C3orf49: variants seen among roughly 807,000 people sequenced by gnomAD.
C3orf49 encodes the protein putative uncharacterized protein C3orf49.
Under a neutral mutation model 13.3 loss-of-function variants are expected in C3orf49, and 27 were observed. That is an observed-to-expected ratio of 2.02 (90% confidence interval 1.49 to 2.79). The LOEUF is 2.79. Among genes scored for constraint, C3orf49 ranks in the 30% most tolerant of loss-of-function variants. The pLI is 0.00. For synonymous variants in C3orf49, 87 were observed against 47.6 expected (o/e 1.83, Z -3.40); for missense variants, 242 against 134.2 (o/e 1.80, Z -3.97).
At chr3:63,785,517 T>G in the C3orf49 span, among the ~76,000 whole-genome samples, 1 of 152,192 alleles carries the variant, frequency 6.6e-6, no homozygotes, top group African/African-American at 2.4e-5. Context: ...ATGAAGCACA[T>G]TGATGCAGAA....
the C3orf49 span, chr3:63,782,565 G>C: frequency 6.6e-6 from 1 of 152,184 alleles, no homozygotes; most frequent in African/African-American, 2.4e-5. Flanking sequence ...AAGAAAGACA[G>C]TTGAGATTGT....
Position 63,841,891 on chromosome 3 carries a change from C to T in C3orf49, c.850-3132C>T, listed in dbSNP as rs1307688200. Reference sequence around the variant, plus strand: ...CTGATGGTATTCAACAGTTCCTTTGCTAGTCTTATCTGTGTTCTTCTCAAG... The same window carrying T: ...CTGATGGTATTCAACAGTTCCTTTGTTAGTCTTATCTGTGTTCTTCTCAAG... On this transcript the variant is annotated intron_variant, in intron 5 of 6. Coordinates refer to ENST00000295896, the MANE Select transcript of C3orf49 (RefSeq NM_001355236.2). Among the ~76,000 whole-genome samples, 3 of 152,108 alleles carry T rather than the reference C, an allele frequency of 2.0e-5. 1 individual carries two copies. The highest frequency in any genetic ancestry group is 4.4e-5 in the Non-Finnish European group (3 of 68,038).
upstream of C3orf49, among the ~76,000 whole-genome samples, chr3:63,816,762 T>C (rs1701328456): frequency 3.4e-5 from 3 of 89,194 alleles, no homozygotes; most frequent in South Asian, 1.4e-3. Flanking sequence ...ACATTTTCTT[T>C]TCTTTTCTTT....
chr3:63,783,870 C>G, the C3orf49 span, among the ~76,000 whole-genome samples: 2 of 151,964 alleles, frequency 1.3e-5, no homozygotes, highest in African/African-American at 2.4e-5. Flanking sequence ...GGGTTGATGA[C>G]AGCAAGGAAG....
the C3orf49 span, among the ~76,000 whole-genome samples, chr3:63,788,561 G>A: frequency 1.3e-5 from 2 of 152,078 alleles, no homozygotes; most frequent in African/African-American, 4.8e-5. Flanking sequence ...CAAGGCAAGA[G>A]AAGAATGGTC....
chr3:63,839,908 C>T, intron 5 of C3orf49: 1 of 665,624 alleles, frequency 1.5e-6, no homozygotes, highest in Non-Finnish European at 2.5e-6. Flanking sequence ...CTGAACTGTA[C>T]ACTTAAAAAT....
the C3orf49 span, among the ~76,000 whole-genome samples, chr3:63,808,050 C>T: frequency 4.6e-5 from 7 of 152,088 alleles, no homozygotes; most frequent in East Asian, 1.9e-4. Flanking sequence ...ACGAACTTTC[C>T]GATCAAGCAG....
At chr3:63,784,744 G>A in the C3orf49 span, 2 of 152,170 alleles carry the variant, frequency 1.3e-5, no homozygotes, top group African/African-American at 4.8e-5. Context: ...TAATCTCCCA[G>A]CTACTCAGGA....
chr3:63,797,009 C>T, the C3orf49 span, among the ~76,000 whole-genome samples: 1 of 151,694 alleles, frequency 6.6e-6, no homozygotes, highest in African/African-American at 2.4e-5. Context: ...TATATTTGAC[C>T]TCAATTTAAA....
the C3orf49 span, among the ~76,000 whole-genome samples, chr3:63,780,432 G>A: frequency 1.3e-5 from 2 of 152,090 alleles, no homozygotes; most frequent in African/African-American, 4.8e-5. Flanking sequence ...ATTGTGAATG[G>A]TGCCGCAATA....
At chr3:63,803,888 C>T in the C3orf49 span, among the ~76,000 whole-genome samples, 3 of 151,718 alleles carry the variant, frequency 2.0e-5, no homozygotes, top group African/African-American at 7.3e-5. Flanking sequence ...TACAACTCAC[C>T]ATAATGTAGA....
At chr3:63,792,977 C>T in the C3orf49 span, among the ~76,000 whole-genome samples, 1 of 152,174 alleles carries the variant, frequency 6.6e-6, no homozygotes, top group African/African-American at 2.4e-5. Flanking sequence ...TAACCATTGA[C>T]AAATCTTCAT....
At chr3:63,829,634 TG>T (rs758491120) in intron 3 of C3orf49, among the ~76,000 whole-genome samples, 5 of 152,282 alleles carry the variant, frequency 3.3e-5, no homozygotes, top group Non-Finnish European at 7.3e-5. Context: ...GCTATAAAAA[TG>T]TTTTGTTTAG....
At chr3:63,801,999 A>G in the C3orf49 span, among the ~76,000 whole-genome samples, 1 of 152,246 alleles carries the variant, frequency 6.6e-6, no homozygotes, top group Non-Finnish European at 1.5e-5. Context: ...GGGAGAAAAC[A>G]GGAAGATGGT....
intron 3 of C3orf49, 90 bp from the exon 4 acceptor site, chr3:63,831,020 T>C (rs1701525323): frequency 4.7e-6 from 3 of 633,996 alleles, no homozygotes; most frequent in Non-Finnish European, 5.6e-6. Flanking sequence ...TATAAGATAA[T>C]GTCCTAAGGG....
At chr3:63,827,444 G>A in intron 2 of C3orf49, 157 bp from the exon 3 acceptor site, 1 of 554,758 alleles carries the variant, frequency 1.8e-6, no homozygotes. Flanking sequence ...GTGTAAGATT[G>A]GGAAGAGCAA....
the C3orf49 span, chr3:63,782,910 C>CT: frequency 6.6e-6 from 1 of 152,152 alleles, no homozygotes; most frequent in Non-Finnish European, 1.5e-5. Flanking sequence ...GTTAAGAACA[C>CT]TTCAAAACAA....
chr3:63,788,733 A>G, the C3orf49 span, among the ~76,000 whole-genome samples: 1 of 151,964 alleles, frequency 6.6e-6, no homozygotes, highest in Admixed American at 6.5e-5. Context: ...CAATTTAAAA[A>G]AAAAAAACAA....
intron 6 of C3orf49, among the ~76,000 whole-genome samples, chr3:63,846,920 G>C (rs942003239): frequency 3.9e-5 from 6 of 152,130 alleles, no homozygotes; most frequent in African/African-American, 1.4e-4. Context: ...CATTCCCCAA[G>C]TATTTCAGCT....
Sources: allele counts gnomAD v4.1 joint callset (sites outside exome capture counted in the v4.1 genomes callset), GRCh38; gene constraint gnomAD v4.1.1; transcripts MANE v1.5; gene names NCBI Gene and HGNC (gene_info 2026-07-23, HGNC 2026-07-21).